The following TMC2 variants were observed in gnomAD, a reference collection of about 807,000 sequenced individuals.
TMC2 encodes the protein transmembrane channel like 2.
TMC2 carries 102 observed loss-of-function variants against 105.9 expected under a neutral mutation model. The observed-to-expected ratio is 0.96, with a 90% CI of 0.82 to 1.14. The LOEUF is 1.14. Among genes scored for constraint, TMC2 ranks in the 50% most tolerant of loss-of-function variants. TMC2 has a pLI of 0.00. For missense variants in TMC2, 1,093 were observed against 1,134.3 expected (o/e 0.96, Z 0.52); for synonymous variants, 402 against 422.8 (o/e 0.95, Z 0.60).
chr20:2,538,800 A>G (rs1336276107), intron 2 of TMC2, among the ~76,000 whole-genome samples: 1 of 152,192 alleles, frequency 6.6e-6, no homozygotes. Flanking sequence ...AAAGTTAAAC[A>G]TTGGGAATAT....
rs1366117605 is a variant in TMC2, at chr20:2,633,742, C to G, written c.2307-2184C>G. Among the ~76,000 whole-genome samples the G allele has an allele frequency of 1.2e-4, 15 of 128,322 alleles. No homozygotes were observed. The East Asian group carries it at 3.7e-3, about 32-fold the overall frequency. 84.2% of individuals were successfully genotyped at this position (128,322 alleles called of 152,430 possible). On this transcript the variant is annotated intron_variant, in intron 17 of 19. Coordinates refer to ENST00000358864, the MANE Select transcript of TMC2 (RefSeq NM_080751.3). The stretch of plus-strand genomic sequence containing the variant: ...ACCAAAATTTGGTGCTGTTGGTTTC[C>G]AAACCTACTACAGAACTGGGTAGGG...
intron 17 of TMC2, among the ~76,000 whole-genome samples, chr20:2,635,342 T>G (rs910272): frequency 0.76 from 115,214 of 152,092 alleles, 43,776 homozygotes; most frequent in East Asian, 0.87. Context: ...TTAGGTCTCT[T>G]AACACCTCCA....
chr20:2,630,613 G>T (rs986264210), intron 17 of TMC2, among the ~76,000 whole-genome samples: 1 of 152,140 alleles, frequency 6.6e-6, no homozygotes, highest in African/African-American at 2.4e-5. Flanking sequence ...CTTGAGCCCA[G>T]GAGTTTGATA....
chr20:2,577,718 GC>G (rs1196273033), intron 5 of TMC2, among the ~76,000 whole-genome samples: 2 of 151,952 alleles, frequency 1.3e-5, no homozygotes, highest in Non-Finnish European at 2.9e-5. Flanking sequence ...TTTGAGACCA[GC>G]CTGGGCCGCA....
chr20:2,622,659 C>A (rs533255271), intron 16 of TMC2, among the ~76,000 whole-genome samples: 1 of 150,168 alleles, frequency 6.7e-6, no homozygotes, highest in Admixed American at 6.7e-5. Context: ...CCAGCCTGGA[C>A]GACAGAGAGA....
At chr20:2,610,655 T>C in intron 12 of TMC2, 57 bp downstream of exon 12, 2 of 1,044,434 alleles carry the variant, frequency 1.9e-6, no homozygotes, top group East Asian at 3.4e-5. Flanking sequence ...TAGTATTTTC[T>C]TTTTTAATAT....
At chr20:2,548,264 T>C (rs1311217253) in intron 2 of TMC2, among the ~76,000 whole-genome samples, 2 of 152,240 alleles carry the variant, frequency 1.3e-5, no homozygotes, top group African/African-American at 4.8e-5. Context: ...AACTTCTCTG[T>C]GGCATGTTTT....
intron 17 of TMC2, among the ~76,000 whole-genome samples, chr20:2,631,179 T>C (rs972365567): frequency 2.0e-5 from 3 of 152,164 alleles, no homozygotes; most frequent in Admixed American, 6.5e-5. Context: ...ATTATAATAG[T>C]ATACAAAAAC....
At chr20:2,599,134 T>A (rs2086330912) in intron 10 of TMC2, among the ~76,000 whole-genome samples, 1 of 152,162 alleles carries the variant, frequency 6.6e-6, no homozygotes, top group South Asian at 2.1e-4. Flanking sequence ...TGACCTCAAA[T>A]GATCCACCTG....
At chr20:2,550,896 T>C (rs538841823) in intron 2 of TMC2, among the ~76,000 whole-genome samples, 2 of 152,358 alleles carry the variant, frequency 1.3e-5, no homozygotes, top group South Asian at 4.1e-4. Flanking sequence ...GAAGGACATC[T>C]TAGTTGCTTC....
At chr20:2,557,299 G>A (rs1353489193) in intron 2 of TMC2, among the ~76,000 whole-genome samples, 1 of 152,088 alleles carries the variant, frequency 6.6e-6, no homozygotes, top group African/African-American at 2.4e-5. Flanking sequence ...TTCAGTTTGG[G>A]AAGTTTCTAT....
At chr20:2,540,712 TG>T (rs1240431885) in intron 2 of TMC2, among the ~76,000 whole-genome samples, 5 of 151,598 alleles carry the variant, frequency 3.3e-5, no homozygotes, top group African/African-American at 1.2e-4. Context: ...GACCCATGTT[TG>T]GTGCCTCTTT....
In TMC2 at chr20:2,592,666, C is replaced by G. The variant is rs1162810004; in HGVS notation, c.933+258C>G. The stretch of plus-strand genomic sequence containing the variant: ...CTGCACCTCTCTGTCTGCCAGGTCT[C>G]TGTAAGGTGATCTCACGGTATGCTT... On this transcript the variant is annotated intron_variant, in intron 8 of 19. Coordinates refer to ENST00000358864, the MANE Select transcript of TMC2 (RefSeq NM_080751.3). This position sits in a 1 kb window ranked among gnomAD's most constrained non-coding sequence, Gnocchi z 4.9. Among the ~76,000 whole-genome samples the G allele has an allele frequency of 2.0e-5, 3 of 152,152 alleles. No individual in the cohort carries two copies. Among genetic ancestry groups the G allele is most frequent in the African/African-American group, 7.2e-5 (3 of 41,440 alleles).
In TMC2 at chr20:2,637,412, C is replaced by T. The variant is rs1031204997; in HGVS notation, c.2386-62C>T. On this transcript the variant is annotated intron_variant, in intron 18 of 19. Transcript: ENST00000358864. ...CAAAAAAAAAAAAAATCACTCTCAA[C>T]ACCTCTGAGCCTCAAAGACCCATTT... The T allele has an allele frequency of 2.9e-5, 29 of 995,244 alleles. 1 individual carries two copies. Among genetic ancestry groups the T allele is most frequent in the Non-Finnish European group, 3.6e-5 (23 of 643,592 alleles). The allele number at this position is 995,244 out of a possible 1,614,324, so 61.7% of individuals were successfully genotyped here. A position where few individuals can be genotyped will look rare whatever the true frequency, so the allele number is the denominator to read the frequency against.
intron 2 of TMC2, among the ~76,000 whole-genome samples, chr20:2,545,685 AAAG>A (rs1413286308): frequency 4.5e-5 from 3 of 66,152 alleles, no homozygotes; most frequent in African/African-American, 1.0e-4. Context: ...GAAGAAGAAG[AAAG>A]AAGAAGGAAG....
Position 2,617,068 on chromosome 20 carries a change from C to T in TMC2, c.1941-4C>T, listed in dbSNP as rs750820804. On this transcript the variant is annotated splice_region_variant and splice_polypyrimidine_tract_variant and intron_variant, in intron 15 of 19. Coordinates refer to ENST00000358864, the MANE Select transcript of TMC2 (RefSeq NM_080751.3). ...AACCAGGTGTTTGGTTTCTGCCATT[C>T]CAGGATGGGCTCCTTCTATGCTCCA... The T allele has an allele frequency of 6.2e-7, 1 of 1,614,156 alleles. No homozygotes were observed. Among genetic ancestry groups the T allele is most frequent in the Admixed American group, 1.7e-5 (1 of 60,030 alleles).
At position 2,536,657 on chromosome 20, in the gene TMC2, T is replaced by C. The variant is rs1266257608; in HGVS notation, c.34+2T>C. The stretch of plus-strand genomic sequence containing the variant: ...AGGTAAAGGGCCTGAAAGAGGAAGG[T>C]GAGTCCACGTCCTGATCCTGCGGGG... On this transcript the variant is annotated splice_donor_variant, in intron 1 of 19. Coordinates refer to ENST00000358864, the MANE Select transcript of TMC2 (RefSeq NM_080751.3). LOFTEE classifies it high-confidence loss of function. 2 of 1,572,968 alleles carry C rather than the reference T, an allele frequency of 1.3e-6. No homozygotes were observed. Among genetic ancestry groups the C allele is most frequent in the South Asian group, 1.2e-5 (1 of 85,508 alleles).
intron 4 of TMC2, among the ~76,000 whole-genome samples, chr20:2,567,460 C>A (rs2086072286): frequency 4.6e-5 from 7 of 152,140 alleles, no homozygotes; most frequent in Admixed American, 4.6e-4. Flanking sequence ...ATACCAAGAA[C>A]CAGGAAGACC....
At position 2,641,857 on chromosome 20, in the gene TMC2, CAAG is replaced by C; in HGVS notation, c.*507_*509del. ...CTGTAGTCCCAGCACTTTGGGAGAC[CAAG>C]GTGGGTGGATCGCTTGAGCCCAGGA... On this transcript the variant is annotated 3_prime_UTR_variant, in exon 20 of 20. Transcript: ENST00000358864. The C allele has an allele frequency of 6.5e-6, 1 of 154,562 alleles. No homozygotes were observed. The highest frequency in any genetic ancestry group is 1.4e-5 in the Non-Finnish European group (1 of 69,680). The allele number at this position is 154,562 out of a possible 1,614,324, so 9.6% of individuals were successfully genotyped here. A position where few individuals can be genotyped will look rare whatever the true frequency, so the allele number is the denominator to read the frequency against.
Sources: allele counts gnomAD v4.1 joint callset (sites outside exome capture counted in the v4.1 genomes callset), GRCh38; gene constraint gnomAD v4.1.1; non-coding constraint Gnocchi (gnomAD v3.1); transcripts MANE v1.5; gene names NCBI Gene and HGNC (gene_info 2026-07-23, HGNC 2026-07-21).